PPP3R1: variants seen among roughly 807,000 people sequenced by gnomAD.
The protein encoded by PPP3R1 is calcineurin subunit B type 1.
A neutral mutation model predicts 22.6 loss-of-function variants in PPP3R1; 5 were observed. That is an observed-to-expected ratio of 0.22 (90% confidence interval 0.12 to 0.46). The LOEUF (loss-of-function observed/expected upper bound fraction) is 0.46. Among genes scored for constraint, PPP3R1 ranks in the 20% least tolerant of loss-of-function variants. The pLI is 0.99. For missense variants in PPP3R1, 61 were observed against 203.2 expected (o/e 0.30, Z 4.25); for synonymous variants, 56 against 65.2 (o/e 0.86, Z 0.68).
At chr2:68,185,420 TTA>T (rs1310576394) in intron 5 of PPP3R1, among the ~76,000 whole-genome samples, 2 of 142,144 alleles carry the variant, frequency 1.4e-5, no homozygotes, top group African/African-American at 2.5e-5. Flanking sequence ...TATATTATAT[TTA>T]TATATTTATA....
At chr2:68,210,684 TAGG>T (rs1669460778) in intron 2 of PPP3R1, among the ~76,000 whole-genome samples, 1 of 152,142 alleles carries the variant, frequency 6.6e-6, no homozygotes, top group East Asian at 1.9e-4. Flanking sequence ...TAGAAATTGT[TAGG>T]AGGCTAAAAA....
intron 1 of PPP3R1, among the ~76,000 whole-genome samples, chr2:68,229,596 T>C (rs764688947): frequency 6.6e-6 from 1 of 152,170 alleles, no homozygotes; most frequent in Non-Finnish European, 1.5e-5. Flanking sequence ...TTAAAACTGC[T>C]ATGTCTTCTT....
chr2:68,213,920 T>C (rs935262651), intron 2 of PPP3R1, among the ~76,000 whole-genome samples: 3 of 152,144 alleles, frequency 2.0e-5, no homozygotes, highest in Admixed American at 6.6e-5. Flanking sequence ...CTTGAAGCTA[T>C]ACTACAACTA....
rs368344501 is a variant in PPP3R1 at position 68,196,014 on chromosome 2, C to T, written c.44-7324G>A. On this transcript the variant is annotated intron_variant, in intron 2 of 5. Coordinates refer to ENST00000234310, the MANE Select transcript of PPP3R1 (RefSeq NM_000945.4). The stretch of plus-strand genomic sequence containing the variant: ...CTTTTGTACAGCAAGAAATTTAGAA[C>T]CATATTATAGGATGAGAACTATTAG... Among the ~76,000 whole-genome samples, 5 of 151,922 alleles carry T rather than the reference C, an allele frequency of 3.3e-5. No homozygotes were observed. The East Asian group carries it at 7.7e-4, about 23-fold the overall frequency.
intron 2 of PPP3R1, among the ~76,000 whole-genome samples, 195 bp from the exon 3 acceptor site, chr2:68,188,885 G>T (rs1404069144): frequency 6.6e-6 from 1 of 152,072 alleles, no homozygotes; most frequent in Non-Finnish European, 1.5e-5. Context: ...TTCTAATAGA[G>T]TAAGTACAGC....
intron 2 of PPP3R1, among the ~76,000 whole-genome samples, chr2:68,204,954 G>C (rs1675081612): frequency 6.6e-6 from 1 of 152,118 alleles, no homozygotes; most frequent in Non-Finnish European, 1.5e-5. Flanking sequence ...TATTATTAAA[G>C]TTTACAGTCT....
chr2:68,212,843 A>T (rs1363498667), intron 2 of PPP3R1, among the ~76,000 whole-genome samples: 5 of 152,254 alleles, frequency 3.3e-5, no homozygotes, highest in Admixed American at 2.6e-4. Context: ...CCCCAAGAGG[A>T]GAGTCAGTGC....
chr2:68,202,126 ATT>A (rs747899716), intron 2 of PPP3R1, among the ~76,000 whole-genome samples: 16 of 152,212 alleles, frequency 1.1e-4, no homozygotes, highest in Non-Finnish European at 1.9e-4. Context: ...TCTCCAAATC[ATT>A]CTTTCCTTGC....
At chr2:68,184,783 A>T (rs932260116) in intron 5 of PPP3R1, among the ~76,000 whole-genome samples, 3 of 152,218 alleles carry the variant, frequency 2.0e-5, no homozygotes, top group African/African-American at 7.2e-5. Flanking sequence ...ACAAGCAAAA[A>T]GCAACTGATT....
intron 2 of PPP3R1, among the ~76,000 whole-genome samples, chr2:68,216,475 A>AATTTT (rs1553407105): frequency 2.1e-5 from 3 of 144,566 alleles, no homozygotes; most frequent in Admixed American, 6.9e-5. Context: ...AAAATTAAAA[A>AATTTT]TTAAAAAAAA....
chr2:68,246,925 A>C (rs1370958293), intron 1 of PPP3R1, among the ~76,000 whole-genome samples: 1 of 152,100 alleles, frequency 6.6e-6, no homozygotes, highest in Non-Finnish European at 1.5e-5. Context: ...TGTTGGCCAT[A>C]ATCACCTAGA....
chr2:68,243,623 TCCCCAGAG>T (rs1246137552), intron 1 of PPP3R1, among the ~76,000 whole-genome samples: 2 of 152,152 alleles, frequency 1.3e-5, no homozygotes, highest in Admixed American at 6.5e-5. Context: ...AATGTTATTT[TCCCCAGAG>T]TAATTTCTTA....
Position 68,228,965 on chromosome 2 carries a change from T to C in PPP3R1, c.4-11834A>G, listed in dbSNP as rs151241851. Among the ~76,000 whole-genome samples the C allele has an allele frequency of 4.9e-4, 75 of 152,274 alleles. 2 individuals carry two copies. In the East Asian group the frequency reaches 0.01, roughly 21 times the overall value. ...TATCTATTATTGATTTCTAGTTTGA[T>C]TCCACTTTGGTAGGAGAACACATTC... is the stretch of plus-strand genomic sequence containing the variant. On this transcript the variant is annotated intron_variant, in intron 1 of 5. Transcript: ENST00000234310.
chr2:68,192,307 T>A (rs558334069), intron 2 of PPP3R1, among the ~76,000 whole-genome samples: 2 of 152,270 alleles, frequency 1.3e-5, no homozygotes, highest in African/African-American at 4.8e-5. Flanking sequence ...ACAGGGAATT[T>A]AAACATAACA....
intron 2 of PPP3R1, among the ~76,000 whole-genome samples, chr2:68,198,416 C>T (rs1674876141): frequency 7.4e-6 from 1 of 134,668 alleles, no homozygotes; most frequent in Admixed American, 7.6e-5. Context: ...TATGTATATG[C>T]ATATATACGT....
intron 1 of PPP3R1, among the ~76,000 whole-genome samples, chr2:68,241,466 G>C (rs1259445340): frequency 6.6e-6 from 1 of 152,092 alleles, no homozygotes; most frequent in East Asian, 1.9e-4. Flanking sequence ...TATGATATTT[G>C]TTCAAGGTCA....
At chr2:68,210,754 C>G (rs1669461981) in intron 2 of PPP3R1, among the ~76,000 whole-genome samples, 1 of 152,232 alleles carries the variant, frequency 6.6e-6, no homozygotes, top group Non-Finnish European at 1.5e-5. Flanking sequence ...CAGAACGAGG[C>G]CATCAAAAAA....
intron 1 of PPP3R1, among the ~76,000 whole-genome samples, chr2:68,240,469 A>G (rs1383874067): frequency 1.3e-5 from 2 of 152,204 alleles, no homozygotes; most frequent in Non-Finnish European, 2.9e-5. Context: ...CCATTCTCAC[A>G]GAGTTCACAT....
intron 1 of PPP3R1, among the ~76,000 whole-genome samples, chr2:68,229,965 T>TATACACACAC (rs1553408545): frequency 4.0e-5 from 2 of 49,494 alleles, no homozygotes; most frequent in South Asian, 1.9e-3. Context: ...TGTGTATATA[T>TATACACACAC]ACACACATAC....
Sources: allele counts gnomAD v4.1 joint callset (sites outside exome capture counted in the v4.1 genomes callset), GRCh38; gene constraint gnomAD v4.1.1; transcripts MANE v1.5; gene names NCBI Gene and HGNC (gene_info 2026-07-23, HGNC 2026-07-21).